The following PRH1 variants were observed in gnomAD, a reference collection of about 807,000 sequenced individuals.
PRH1 encodes the protein salivary acidic proline-rich phosphoprotein 1/2.
A neutral mutation model predicts 7.9 loss-of-function variants in PRH1; 7 were observed. The ratio of observed to expected loss-of-function variants is 0.89; its 90% CI spans 0.50 to 1.67. The LOEUF is 1.67. PRH1 is among the 40% of genes most tolerant of loss of function. The pLI is 0.00. For missense variants in PRH1, 109 were observed against 223.6 expected (o/e 0.49, Z 3.27); for synonymous variants, 45 against 80.8 (o/e 0.56, Z 2.38).
intron 2 of PRH1, chr12:10,973,593 G>A: frequency 1.3e-6 from 1 of 749,234 alleles, no homozygotes; most frequent in South Asian, 1.4e-5. Context: ...TCTGATACAG[G>A]CAGAAACCAA....
chr12:11,132,367 T>C (rs1345402983), intron 1 of PRH1, among the ~76,000 whole-genome samples: 6 of 151,796 alleles, frequency 4.0e-5, no homozygotes, highest in African/African-American at 1.5e-4. Flanking sequence ...AAGACTGGAG[T>C]TCTCTTATCT....
At chr12:10,998,924 G>A (rs1476222061) in intron 1 of PRH1, among the ~76,000 whole-genome samples, 1 of 151,982 alleles carries the variant, frequency 6.6e-6, no homozygotes, top group Non-Finnish European at 1.5e-5. Flanking sequence ...GTTCCTTTCC[G>A]GTTTATAATG....
chr12:10,966,665 T>C (rs1938513483), intron 2 of PRH1, among the ~76,000 whole-genome samples: 1 of 150,900 alleles, frequency 6.6e-6, no homozygotes, highest in Non-Finnish European at 1.5e-5. Context: ...TGTAATGTAG[T>C]GTTGGAGAGG....
chr12:11,042,712 C>T (rs534156681), intron 1 of PRH1, among the ~76,000 whole-genome samples: 24 of 147,308 alleles, frequency 1.6e-4, no homozygotes, highest in South Asian at 6.6e-4. Context: ...TCACTGCAAG[C>T]GCCACCTCCC....
Position 11,087,395 on chromosome 12 carries a change from G to A in PRH1, n.124-40207C>T, listed in dbSNP as rs1443274921. On this transcript the variant is annotated intron_variant and non_coding_transcript_variant, in intron 1 of 4. Transcript: ENST00000541977. Reference sequence around the variant, plus strand: ...AGGCATGAGCCATGACATCCAGCCTGCATTGAGAGTTTCTGAAGGTCAGAT... The same window carrying A: ...AGGCATGAGCCATGACATCCAGCCTACATTGAGAGTTTCTGAAGGTCAGAT... Among the ~76,000 whole-genome samples, 2 of 117,388 alleles carry A rather than the reference G, an allele frequency of 1.7e-5. 1 individual carries two copies. Among genetic ancestry groups the A allele is most frequent in the Non-Finnish European group, 4.1e-5 (2 of 49,308 alleles). The allele number at this position is 117,388 out of a possible 152,430, so 77.0% of individuals were successfully genotyped here.
chr12:10,986,381 T>TC, intron 1 of PRH1: 1 of 1,614,076 alleles, frequency 6.2e-7, no homozygotes, highest in Non-Finnish European at 8.5e-7. Flanking sequence ...CAGTCATGTT[T>TC]CCTTCATATT....
chr12:10,958,894 T>C (rs1479402003), intron 2 of PRH1, among the ~76,000 whole-genome samples: 2 of 152,116 alleles, frequency 1.3e-5, no homozygotes, highest in Non-Finnish European at 2.9e-5. Context: ...CACTGAAAAA[T>C]CTGGAGGAGA....
intron 1 of PRH1, chr12:11,030,784 G>C (rs1167231235): frequency 6.2e-7 from 1 of 1,614,160 alleles, no homozygotes; most frequent in Admixed American, 1.7e-5. Flanking sequence ...AGGGCACTAA[G>C]TTTCCTAGCG....
At chr12:11,036,146 G>A (rs1278262493) in intron 1 of PRH1, among the ~76,000 whole-genome samples, 1 of 152,202 alleles carries the variant, frequency 6.6e-6, no homozygotes, top group Non-Finnish European at 1.5e-5. Flanking sequence ...ACCCACCTCG[G>A]CCTCCCGAAG....
intron 2 of PRH1, among the ~76,000 whole-genome samples, chr12:10,949,927 A>G (rs1950544271): frequency 6.6e-6 from 1 of 152,194 alleles, no homozygotes; most frequent in South Asian, 2.1e-4. Context: ...AATGTAATAA[A>G]TTACAATGTA....
chr12:11,022,444 G>A (rs1565561122), intron 1 of PRH1: 2 of 1,614,104 alleles, frequency 1.2e-6, no homozygotes, highest in Admixed American at 3.3e-5. Context: ...TTGCTCAGCT[G>A]AGGAGATCTT....
At chr12:10,908,836 A>G (rs761242032) in intron 2 of PRH1, 5 of 1,613,550 alleles carry the variant, frequency 3.1e-6, no homozygotes, top group Non-Finnish European at 4.2e-6. Context: ...CGGTCCAGCC[A>G]GTCTTTTATA....
intron 1 of PRH1, among the ~76,000 whole-genome samples, chr12:11,057,879 T>C (rs980167286): frequency 2.0e-5 from 3 of 152,278 alleles, no homozygotes; most frequent in Non-Finnish European, 4.4e-5. Context: ...TTCACTGTTT[T>C]ATGTCAGGAC....
intron 1 of PRH1, among the ~76,000 whole-genome samples, chr12:11,060,295 AG>A (rs1943533930): frequency 1.3e-5 from 2 of 152,126 alleles, no homozygotes; most frequent in Non-Finnish European, 2.9e-5. Context: ...ATTAAAACAT[AG>A]ATTTCATAGA....
chr12:10,939,208 T>C (rs377396542), intron 2 of PRH1: 2 of 1,532,566 alleles, frequency 1.3e-6, no homozygotes, highest in Non-Finnish European at 1.8e-6. Flanking sequence ...CACCACCCAT[T>C]GCCTGTAAGA....
intron 2 of PRH1, among the ~76,000 whole-genome samples, chr12:10,944,227 T>C (rs1950449399): frequency 6.6e-6 from 1 of 152,198 alleles, no homozygotes; most frequent in Non-Finnish European, 1.5e-5. Context: ...TGTTTTCCCA[T>C]TTGTTTGTGT....
At chr12:10,882,113 A>C in intron 3 of PRH1, 104 bp downstream of exon 3, 1 of 1,551,486 alleles carries the variant, frequency 6.4e-7, no homozygotes, top group East Asian at 2.2e-5. Context: ...AATGTGTTCC[A>C]GGACAGGGCA....
intron 1 of PRH1, chr12:11,171,360 GC>G (rs1947837825): frequency 8.1e-7 from 1 of 1,231,720 alleles, no homozygotes; most frequent in Non-Finnish European, 1.0e-6. Context: ...CTGGCTCATG[GC>G]CCCCGCGGCG....
intron 1 of PRH1, among the ~76,000 whole-genome samples, chr12:10,984,396 A>C (rs1277755278): frequency 1.3e-5 from 2 of 152,252 alleles, no homozygotes; most frequent in East Asian, 3.9e-4. Context: ...CTCAAGTTGA[A>C]ACCAGAAAAT....
Sources: gnomAD v4.1 joint callset for allele counts (sites outside exome capture counted in the v4.1 genomes callset) on GRCh38, gnomAD v4.1.1 for gene constraint, MANE v1.5 for transcripts, NCBI Gene and HGNC (gene_info 2026-07-23, HGNC 2026-07-21) for gene names.